EYS: variants seen among roughly 807,000 people sequenced by gnomAD.
The protein encoded by EYS is protein eyes shut homolog.
Under a neutral mutation model 282.1 loss-of-function variants are expected in EYS, and 250 were observed. The observed-to-expected ratio is 0.89, with a 90% CI of 0.80 to 0.98. The LOEUF is 0.98. Ranked by LOEUF, EYS falls within the 50% of genes least tolerant of loss-of-function variation. The probability of loss-of-function intolerance (pLI) is 0.00; values close to 1 mark genes in which losing one functional copy is unlikely to be tolerated. For synonymous variants in EYS, 1,355 were observed against 1,282.9 expected (o/e 1.06, Z -1.20); for missense variants, 4,016 against 3,709.0 (o/e 1.08, Z -2.15).
At chr6:65,131,368 A>G (rs1179961454) in intron 12 of EYS, among the ~76,000 whole-genome samples, 1 of 151,986 alleles carries the variant, frequency 6.6e-6, no homozygotes, top group Non-Finnish European at 1.5e-5. Flanking sequence ...CTGAAATCAT[A>G]CCAAAGACAA....
At chr6:64,727,839 T>G (rs1180413620) in intron 22 of EYS, among the ~76,000 whole-genome samples, 1 of 152,250 alleles carries the variant, frequency 6.6e-6, no homozygotes, top group African/African-American at 2.4e-5. Context: ...AGGAATAAGT[T>G]GTTTCTTTAC....
intron 12 of EYS, among the ~76,000 whole-genome samples, chr6:65,189,841 A>G (rs1765600359): frequency 6.6e-6 from 1 of 151,858 alleles, no homozygotes; most frequent in Admixed American, 6.6e-5. Flanking sequence ...AGGAAAGTGA[A>G]TATTTACCAT....
chr6:65,488,004 TGA>T (rs1660008307), intron 5 of EYS, among the ~76,000 whole-genome samples: 1 of 152,220 alleles, frequency 6.6e-6, no homozygotes, highest in Admixed American at 6.5e-5. Flanking sequence ...TGTATTTCTG[TGA>T]GATCGATGGT....
chr6:65,436,494 A>G (rs1266771051), intron 5 of EYS, among the ~76,000 whole-genome samples: 1 of 152,184 alleles, frequency 6.6e-6, no homozygotes, highest in Non-Finnish European at 1.5e-5. Flanking sequence ...TTGATTGTCT[A>G]TTCAGTGCTT....
intron 29 of EYS, among the ~76,000 whole-genome samples, chr6:64,352,024 T>C (rs1378382954): frequency 6.6e-6 from 1 of 151,534 alleles, no homozygotes; most frequent in African/African-American, 2.4e-5. Flanking sequence ...CAAACTGCCT[T>C]GTAATTGTTG....
intron 12 of EYS, among the ~76,000 whole-genome samples, chr6:65,135,022 T>C (rs1375150467): frequency 6.6e-6 from 1 of 151,990 alleles, no homozygotes; most frequent in Non-Finnish European, 1.5e-5. Context: ...AGATTAGAGA[T>C]GATTTAGGTT....
At chr6:63,971,982 T>C (rs975520389) in intron 35 of EYS, among the ~76,000 whole-genome samples, 3 of 152,218 alleles carry the variant, frequency 2.0e-5, no homozygotes, top group East Asian at 1.9e-4. Flanking sequence ...TCTTCCACTA[T>C]AGAAGTCTTC....
chr6:65,045,482 G>A (rs1375792310), intron 13 of EYS, among the ~76,000 whole-genome samples: 2 of 151,798 alleles, frequency 1.3e-5, no homozygotes, highest in South Asian at 4.1e-4. Flanking sequence ...TTCTGAGAGG[G>A]AAAACCTCTC....
chr6:65,403,405 TATC>T lies in EYS; in HGVS notation c.1057-803_1057-801del, dbSNP rs200864867. On this transcript the variant is annotated intron_variant, in intron 6 of 42. Coordinates refer to ENST00000503581, the MANE Select transcript of EYS (RefSeq NM_001142800.2). ...TCCTCTCTTTTTTCTTTGTTATCCT[TATC>T]ATCATCATCATTACCATCATTTTCA... 1.9e-4 allele frequency among the ~76,000 whole-genome samples: 29 copies of T among 151,748 alleles called. No individual in the cohort carries two copies. In the East Asian group the frequency reaches 1.9e-3, roughly 10 times the overall value.
At chr6:65,219,740 A>AT (rs1766411218) in intron 12 of EYS, among the ~76,000 whole-genome samples, 1 of 152,092 alleles carries the variant, frequency 6.6e-6, no homozygotes, top group Non-Finnish European at 1.5e-5. Flanking sequence ...GGTTTAATGG[A>AT]CTCACAGTTC....
chr6:64,344,103 T>A (rs558836280), intron 29 of EYS, among the ~76,000 whole-genome samples: 2 of 152,240 alleles, frequency 1.3e-5, no homozygotes, highest in East Asian at 3.9e-4. Flanking sequence ...ACAAGATGGA[T>A]TCACAGCCGA....
intron 37 of EYS, chr6:63,797,784 A>G (rs888636997): frequency 6.6e-6 from 1 of 152,224 alleles, no homozygotes; most frequent in African/African-American, 2.4e-5. Flanking sequence ...GGCCAAATTA[A>G]TATGGTGTCC....
intron 22 of EYS, among the ~76,000 whole-genome samples, chr6:64,674,771 C>T (rs1490294487): frequency 6.6e-6 from 1 of 151,620 alleles, no homozygotes; most frequent in Non-Finnish European, 1.5e-5. Context: ...TACATACACA[C>T]ACACACACAT....
At chr6:64,996,102 G>A (rs1771254025) in intron 14 of EYS, among the ~76,000 whole-genome samples, 1 of 151,962 alleles carries the variant, frequency 6.6e-6, no homozygotes, top group African/African-American at 2.4e-5. Context: ...CAAGTAAAAG[G>A]AACTCTGACT....
intron 37 of EYS, among the ~76,000 whole-genome samples, chr6:63,793,562 A>G (rs1770569640): frequency 6.6e-6 from 1 of 152,270 alleles, no homozygotes. Flanking sequence ...TTTTTAACTT[A>G]GAATGACATA....
intron 28 of EYS, among the ~76,000 whole-genome samples, chr6:64,393,172 A>G (rs979242340): frequency 6.6e-6 from 1 of 152,176 alleles, no homozygotes; most frequent in Non-Finnish European, 1.5e-5. Flanking sequence ...CCAGGACCAG[A>G]GGGATTCACA....
At chr6:65,323,889 T>C (rs1769545208) in intron 11 of EYS, among the ~76,000 whole-genome samples, 1 of 151,428 alleles carries the variant, frequency 6.6e-6, no homozygotes, top group African/African-American at 2.4e-5. Context: ...CAGGGTAAAA[T>C]CCAGAGCATT....
chr6:64,172,246 G>C (rs945073313), intron 31 of EYS, among the ~76,000 whole-genome samples: 2 of 151,086 alleles, frequency 1.3e-5, no homozygotes, highest in East Asian at 1.9e-4. Context: ...CACTTAACTT[G>C]AGATCTCTTC....
At chr6:64,725,561 A>G (rs967838769) in intron 22 of EYS, among the ~76,000 whole-genome samples, 1 of 152,168 alleles carries the variant, frequency 6.6e-6, no homozygotes, top group Non-Finnish European at 1.5e-5. Flanking sequence ...CCTATTATGA[A>G]TACAATATTA....
Sources: gnomAD v4.1 joint callset for allele counts (sites outside exome capture counted in the v4.1 genomes callset) on GRCh38, gnomAD v4.1.1 for gene constraint, MANE v1.5 for transcripts, NCBI Gene and HGNC (gene_info 2026-07-23, HGNC 2026-07-21) for gene names.